GNAQ: variants seen among roughly 807,000 people sequenced by gnomAD.
GNAQ encodes the protein guanine nucleotide-binding protein G(q) subunit alpha.
In GNAQ, 8 loss-of-function variants were observed where a neutral mutation model predicts 43.9. The ratio of observed to expected loss-of-function variants is 0.18; its 90% CI spans 0.11 to 0.33. GNAQ has a LOEUF of 0.33. GNAQ is among the 10% of genes least tolerant of loss of function. The pLI, the probability that GNAQ is intolerant of heterozygous loss-of-function variation, is 1.00. For missense variants in GNAQ, 158 were observed against 450.8 expected, an observed-to-expected ratio of 0.35 and a Z score of 5.88; for synonymous variants, 155 against 170.7, an observed-to-expected ratio of 0.91 and a Z score of 0.71.
At chr9:78,030,481 T>G in intron 1 of GNAQ, 1 of 470,534 alleles carries the variant, frequency 2.1e-6, no homozygotes, top group Non-Finnish European at 4.4e-6. Context: ...ACACAGACCC[T>G]TTCCTTGGAG....
intron 5 of GNAQ, among the ~76,000 whole-genome samples, chr9:77,744,542 A>C (rs1236209369): frequency 6.6e-6 from 1 of 152,242 alleles, no homozygotes; most frequent in Non-Finnish European, 1.5e-5. Flanking sequence ...TGGTTTGCTT[A>C]ATCCAATGCA....
At chr9:77,887,999 G>A (rs909874676) in intron 2 of GNAQ, among the ~76,000 whole-genome samples, 2 of 152,106 alleles carry the variant, frequency 1.3e-5, no homozygotes, top group South Asian at 2.1e-4. Context: ...ACCCTTGAAG[G>A]GGGTACGGGA....
At chr9:77,761,495 G>A (rs1252319308) in intron 5 of GNAQ, among the ~76,000 whole-genome samples, 1 of 141,252 alleles carries the variant, frequency 7.1e-6, no homozygotes, top group Non-Finnish European at 1.6e-5. Flanking sequence ...CCGGGAGGGA[G>A]GTGGGGAGGT....
At chr9:77,959,742 A>T (rs570799563) in intron 1 of GNAQ, among the ~76,000 whole-genome samples, 41 of 152,120 alleles carry the variant, frequency 2.7e-4, no homozygotes, top group South Asian at 1.4e-3. Context: ...ACCAATACTC[A>T]AAGTATAAAA....
chr9:77,969,245 G>A (rs1823206668), intron 1 of GNAQ, among the ~76,000 whole-genome samples: 1 of 152,048 alleles, frequency 6.6e-6, no homozygotes, highest in South Asian at 2.1e-4. Context: ...TACAACTGTG[G>A]TTTTCTTAAT....
chr9:77,941,342 T>C (rs1459555883), intron 1 of GNAQ, among the ~76,000 whole-genome samples: 2 of 152,060 alleles, frequency 1.3e-5, no homozygotes, highest in African/African-American at 2.4e-5. Flanking sequence ...CTCCGCCTCC[T>C]GGGTTCACGC....
At chr9:77,895,940 C>T (rs1587393762) in intron 2 of GNAQ, among the ~76,000 whole-genome samples, 1 of 152,150 alleles carries the variant, frequency 6.6e-6, no homozygotes, top group African/African-American at 2.4e-5. Context: ...CCTCCCCAGT[C>T]ACGTGGAACT....
At chr9:77,975,366 G>C (rs927382474) in intron 1 of GNAQ, among the ~76,000 whole-genome samples, 1 of 152,040 alleles carries the variant, frequency 6.6e-6, no homozygotes, top group Non-Finnish European at 1.5e-5. Flanking sequence ...TATTCAAACT[G>C]TACCAGCTAA....
intron 5 of GNAQ, among the ~76,000 whole-genome samples, chr9:77,788,305 T>C (rs1826515983): frequency 6.6e-6 from 1 of 152,046 alleles, no homozygotes; most frequent in Admixed American, 6.5e-5. Context: ...AACAGTCACG[T>C]AATAGAGTGA....
chr9:77,975,346 A>G (rs1175585913), intron 1 of GNAQ, among the ~76,000 whole-genome samples: 3 of 152,166 alleles, frequency 2.0e-5, no homozygotes, highest in East Asian at 1.9e-4. Context: ...AAGAACTGCA[A>G]TAAGTGCTTT....
intron 5 of GNAQ, among the ~76,000 whole-genome samples, chr9:77,744,534 G>C (rs1825702091): frequency 6.6e-6 from 1 of 152,096 alleles, no homozygotes; most frequent in Admixed American, 6.6e-5. Context: ...AGATTATTTG[G>C]TTTGCTTAAT....
chr9:77,971,727 G>A (rs1184960357), intron 1 of GNAQ, among the ~76,000 whole-genome samples: 2 of 152,190 alleles, frequency 1.3e-5, no homozygotes, highest in Non-Finnish European at 2.9e-5. Context: ...CATAAGACAA[G>A]AATGCCCTCT....
intron 1 of GNAQ, among the ~76,000 whole-genome samples, chr9:78,004,035 A>C (rs1001419225): frequency 6.6e-6 from 1 of 152,054 alleles, no homozygotes; most frequent in African/African-American, 2.4e-5. Context: ...ATAAATCATC[A>C]CAATTACAAG....
chr9:77,763,945 T>TA (rs1440506785), intron 5 of GNAQ, among the ~76,000 whole-genome samples: 2 of 152,212 alleles, frequency 1.3e-5, no homozygotes, highest in Admixed American at 6.5e-5. Context: ...TGTGTTTTGT[T>TA]AGTTGTTTTG....
At chr9:77,798,185 A>G (rs2118458988) in intron 3 of GNAQ, among the ~76,000 whole-genome samples, 1 of 152,310 alleles carries the variant, frequency 6.6e-6, no homozygotes. Context: ...ATTAATGTGA[A>G]GCCATGACAT....
At chr9:77,836,348 A>T (rs1827384587) in intron 2 of GNAQ, among the ~76,000 whole-genome samples, 1 of 152,198 alleles carries the variant, frequency 6.6e-6, no homozygotes, top group African/African-American at 2.4e-5. Context: ...AAGTTGTAGG[A>T]TTTCTTTCCT....
intron 3 of GNAQ, among the ~76,000 whole-genome samples, chr9:77,813,979 G>A (rs986305517): frequency 6.6e-6 from 1 of 152,140 alleles, no homozygotes; most frequent in Non-Finnish European, 1.5e-5. Flanking sequence ...AGTTAAGAGA[G>A]AGCCAGAGAG....
intron 1 of GNAQ, among the ~76,000 whole-genome samples, chr9:78,019,952 G>C (rs1440604137): frequency 6.9e-6 from 1 of 145,694 alleles, no homozygotes; most frequent in Admixed American, 6.9e-5. Flanking sequence ...AGAAAGAAAA[G>C]AGACTTTAGG....
chr9:77,881,632 C>T (rs1828208857), intron 2 of GNAQ, among the ~76,000 whole-genome samples: 1 of 152,266 alleles, frequency 6.6e-6, no homozygotes, highest in Non-Finnish European at 1.5e-5. Context: ...TGTCCCTCAA[C>T]CTTGGCCTCC....
Sources: gnomAD v4.1 joint callset for allele counts (sites outside exome capture counted in the v4.1 genomes callset) on GRCh38, gnomAD v4.1.1 for gene constraint, MANE v1.5 for transcripts, NCBI Gene and HGNC (gene_info 2026-07-23, HGNC 2026-07-21) for gene names.